Variants in HS3ST3A1 observed in about 807,000 individuals in gnomAD.
The protein encoded by HS3ST3A1 is heparan sulfate-glucosamine 3-sulfotransferase 3A1, also known as heparan sulfate glucosamine 3-O-sulfotransferase 3A1.
In HS3ST3A1, 19 loss-of-function variants were observed where a neutral mutation model predicts 25.7. The observed-to-expected ratio is 0.74, with a 90% CI of 0.52 to 1.08. The LOEUF (loss-of-function observed/expected upper bound fraction) is 1.08, where lower values mean the gene tolerates loss of function less well. Among genes scored for constraint, HS3ST3A1 ranks in the 50% least tolerant of loss-of-function variants. HS3ST3A1 has a pLI of 0.00. For missense variants in HS3ST3A1, 459 were observed against 594.3 expected (o/e 0.77, Z 2.37); for synonymous variants, 226 against 278.6 (o/e 0.81, Z 1.88).
intron 1 of HS3ST3A1, among the ~76,000 whole-genome samples, chr17:13,549,266 C>T (rs140829467): frequency 6.6e-6 from 1 of 152,280 alleles, no homozygotes; most frequent in Non-Finnish European, 1.5e-5. Context: ...GACCACCAAC[C>T]CACTGGAAAG....
At chr17:13,579,725 AAAAT>A (rs1908053919) in intron 1 of HS3ST3A1, among the ~76,000 whole-genome samples, 1 of 148,102 alleles carries the variant, frequency 6.8e-6, no homozygotes, top group Non-Finnish European at 1.5e-5. Flanking sequence ...AAAAAAAAAA[AAAAT>A]CATAAGAAAT....
chr17:13,520,968 A>C (rs146702561), intron 1 of HS3ST3A1, among the ~76,000 whole-genome samples: 2 of 152,270 alleles, frequency 1.3e-5, no homozygotes, highest in East Asian at 3.9e-4. Context: ...TGCTCTGACA[A>C]CCTCAAACCT....
chr17:13,551,059 T>C (rs1461293136), intron 1 of HS3ST3A1, among the ~76,000 whole-genome samples: 1 of 63,694 alleles, frequency 1.6e-5, no homozygotes, highest in African/African-American at 6.9e-5. Context: ...AGAGCGAGAC[T>C]CTGTCTCAAA....
intron 1 of HS3ST3A1, among the ~76,000 whole-genome samples, chr17:13,564,749 A>C (rs1354492564): frequency 7.3e-6 from 1 of 136,336 alleles, no homozygotes; most frequent in East Asian, 2.1e-4. Flanking sequence ...TAAGAGACAG[A>C]GTCTCACTCT....
rs1275946758 is a variant in HS3ST3A1 at position 13,601,172 on chromosome 17, G to A, written c.-43C>T. ...TCGGGCAACGCGCCGGCCATGCTAG[G>A]CCTGGACCCCGACAGGTGCCAGAGC... On this transcript the variant is annotated 5_prime_UTR_variant, in exon 1 of 2. Transcript: ENST00000284110. 9.2e-6 allele frequency: 13 copies of A among 1,409,602 alleles called. No individual in the cohort carries two copies. In the South Asian group the frequency reaches 1.8e-4, roughly 19 times the overall value. 87.3% of individuals were successfully genotyped at this position (1,409,602 alleles called of 1,614,324 possible).
In HS3ST3A1 at chr17:13,552,332, C is replaced by T. The variant is rs377742106; in HGVS notation, c.599+48199G>A. ...TCCTGACCTCGTGATCCACCCGCCT[C>T]GGCCTCCTAAAGTGCTGGGATCACA... On this transcript the variant is annotated intron_variant, in intron 1 of 1. Coordinates refer to ENST00000284110, the MANE Select transcript of HS3ST3A1 (RefSeq NM_006042.3). 6.6e-5 allele frequency among the ~76,000 whole-genome samples: 10 copies of T among 152,222 alleles called. No individual in the cohort carries two copies. In the East Asian group the frequency reaches 9.7e-4, roughly 15 times the overall value.
chr17:13,499,334 A>G (rs931816001), intron 1 of HS3ST3A1, among the ~76,000 whole-genome samples: 4 of 152,376 alleles, frequency 2.6e-5, no homozygotes, highest in South Asian at 2.1e-4. Context: ...CAGGAGATCT[A>G]TCCAGAGATG....
chr17:13,543,401 G>A (rs1248555534), intron 1 of HS3ST3A1: 1 of 145,280 alleles, frequency 6.9e-6, no homozygotes, highest in Non-Finnish European at 1.5e-5. Context: ...GAGATGTGTG[G>A]AAGTAGAGAA....
chr17:13,560,929 G>T (rs1030871278), intron 1 of HS3ST3A1, among the ~76,000 whole-genome samples: 1 of 152,188 alleles, frequency 6.6e-6, no homozygotes, highest in African/African-American at 2.4e-5. Context: ...GTACAGCAAA[G>T]CACAGATCCT....
chr17:13,543,343 C>G (rs766144668), intron 1 of HS3ST3A1, among the ~76,000 whole-genome samples: 1 of 152,006 alleles, frequency 6.6e-6, no homozygotes, highest in Non-Finnish European at 1.5e-5. Context: ...GAATAAGACA[C>G]CCAGATGATG....
In HS3ST3A1 at chr17:13,600,805, C is replaced by T. The variant is rs1413438665; in HGVS notation, c.325G>A (p.Glu109Lys). The T allele has an allele frequency of 7.1e-7, 1 of 1,417,872 alleles. No individual in the cohort carries two copies. Among genetic ancestry groups the T allele is most frequent in the Non-Finnish European group, 9.1e-7 (1 of 1,099,282 alleles). The allele number at this position is 1,417,872 out of a possible 1,614,324, so 87.8% of individuals were successfully genotyped here. A position where few individuals can be genotyped will look rare whatever the true frequency, so the allele number is the denominator to read the frequency against. ...GACTCTTCTTCCCAGGCCGCCTCCT[C>T]GCCGTCGTCGCGGGGCGCGGGCGGC... ...RRPPAPRDDGEEAAWEEESPG... is the reference protein window; with the variant it reads ...RRPPAPRDDGKEAAWEEESPG... The change falls in exon 1 of 2, where the codon GAG (glutamate) becomes AAG (lysine). Residue 109 changes from glutamate to lysine, a missense_variant. Physicochemically the swap from Glu to Lys is moderately conservative, Grantham distance 56. This residue lies in a region of HS3ST3A1 where 346 missense variants were observed against 303.9 expected (regional missense o/e 1.14). Coordinates refer to ENST00000284110, the MANE Select transcript of HS3ST3A1 (RefSeq NM_006042.3).
rs146268308 is a variant in HS3ST3A1, at chr17:13,496,758, G to A, written c.660C>T (p.Phe220=). The A allele has an allele frequency of 2.9e-4, 464 of 1,614,086 alleles. No homozygotes were observed. Among genetic ancestry groups the A allele is most frequent in the Admixed American group, 8.8e-4 (53 of 60,028 alleles). ...TGCGCGCGGGGGCCTCCCGCGTGAC[G>A]AAGTAACTGGGCGTCTTCTCCATGG... ...QITMEKTPSY[F]VTREAPARIS... The change falls in exon 2 of 2, where the codon TTC becomes TTT. Residue 220 remains phenylalanine (F), a synonymous_variant. Transcript: ENST00000284110.
intron 1 of HS3ST3A1, among the ~76,000 whole-genome samples, chr17:13,499,785 G>C (rs1056602503): frequency 7.9e-5 from 12 of 152,116 alleles, no homozygotes; most frequent in African/African-American, 2.9e-4. Flanking sequence ...AGAGGAAACA[G>C]CTAAAATAGG....
rs79238154 is a variant in HS3ST3A1, at chr17:13,527,825, C to T, written c.600-31007G>A. 1.9e-3 allele frequency among the ~76,000 whole-genome samples: 282 copies of T among 152,268 alleles called. 2 individuals carry two copies. Among genetic ancestry groups the T allele is most frequent in the African/African-American group, 5.8e-3 (241 of 41,552 alleles). ...AGCTCCCCTCCATTATCTGTAATTGCGTGGGGACTTCAAGTCACAAAAGGC... is the reference window on the plus strand; with the variant it reads ...AGCTCCCCTCCATTATCTGTAATTGTGTGGGGACTTCAAGTCACAAAAGGC... On this transcript the variant is annotated intron_variant, in intron 1 of 1. Transcript: ENST00000284110.
chr17:13,540,084 T>G (rs1906886583), intron 1 of HS3ST3A1, among the ~76,000 whole-genome samples: 1 of 152,252 alleles, frequency 6.6e-6, no homozygotes, highest in African/African-American at 2.4e-5. Context: ...AAGTAGTCCC[T>G]TGGGATCCAC....
intron 1 of HS3ST3A1, among the ~76,000 whole-genome samples, chr17:13,524,898 T>C (rs930367140): frequency 1.3e-5 from 2 of 152,242 alleles, no homozygotes; most frequent in Admixed American, 6.5e-5. Flanking sequence ...TTAGTGGTTA[T>C]GCCATCTACT....
At chr17:13,569,477 T>C (rs139494953) in intron 1 of HS3ST3A1, among the ~76,000 whole-genome samples, 17 of 152,328 alleles carry the variant, frequency 1.1e-4, no homozygotes, top group African/African-American at 3.8e-4. Context: ...TCCACATGCA[T>C]TGCTGCGAGA....
At chr17:13,570,007 T>C (rs1356585956) in intron 1 of HS3ST3A1, among the ~76,000 whole-genome samples, 1 of 152,214 alleles carries the variant, frequency 6.6e-6, no homozygotes, top group Non-Finnish European at 1.5e-5. Context: ...TCTTGGAAAG[T>C]GGCACTGTGC....
chr17:13,585,846 T>TG (rs958420517), intron 1 of HS3ST3A1, among the ~76,000 whole-genome samples: 2 of 131,144 alleles, frequency 1.5e-5, no homozygotes, highest in African/African-American at 6.1e-5. Context: ...CTGCGTTTTT[T>TG]TTTTTTTTTT....
Sources: gnomAD v4.1 joint callset for allele counts (sites outside exome capture counted in the v4.1 genomes callset) on GRCh38, gnomAD v4.1.1 for gene constraint, gnomAD v4.1.1 regional missense constraint, MANE v1.5 for transcripts, NCBI Gene and HGNC (gene_info 2026-07-23, HGNC 2026-07-21) for gene names.